The following WWOX variants were observed in gnomAD, a reference collection of about 807,000 sequenced individuals.
WWOX encodes WW domain-containing oxidoreductase.
In WWOX, 69 loss-of-function variants were observed where a neutral mutation model predicts 46.2. The ratio of observed to expected loss-of-function variants is 1.49; its 90% confidence interval spans 1.23 to 1.82. The LOEUF (loss-of-function observed/expected upper bound fraction) is 1.82. WWOX is among the 40% of genes most tolerant of loss of function. WWOX has a pLI of 0.00. For missense variants in WWOX, 919 were observed against 542.6 expected, an observed-to-expected ratio of 1.69 and a Z score of -6.89; for synonymous variants, 359 against 202.6, an observed-to-expected ratio of 1.77 and a Z score of -6.56.
intron 5 of WWOX, among the ~76,000 whole-genome samples, chr16:78,320,339 C>G (rs947682093): frequency 2.6e-5 from 4 of 152,156 alleles, no homozygotes; most frequent in African/African-American, 9.7e-5. Flanking sequence ...GGTTGTCATA[C>G]TAAATTGGTT....
intron 8 of WWOX, among the ~76,000 whole-genome samples, chr16:78,951,548 C>A (rs2046060221): frequency 6.6e-6 from 1 of 152,174 alleles, no homozygotes; most frequent in African/African-American, 2.4e-5. Context: ...GAAAAGGGGA[C>A]ATGGGTATTA....
chr16:78,629,887 A>C (rs1171768354), intron 8 of WWOX, among the ~76,000 whole-genome samples: 2 of 152,220 alleles, frequency 1.3e-5, no homozygotes, highest in African/African-American at 4.8e-5. Flanking sequence ...AAAATTATCT[A>C]AGAAGTAGAT....
chr16:78,375,958 C>A (rs1010150337), intron 5 of WWOX, among the ~76,000 whole-genome samples: 3 of 149,532 alleles, frequency 2.0e-5, no homozygotes, highest in African/African-American at 7.4e-5. Flanking sequence ...TCAAGTGGTT[C>A]TTCTGCCTCA....
chr16:79,203,266 T>A (rs190699525), intron 8 of WWOX: 4 of 152,346 alleles, frequency 2.6e-5, no homozygotes, highest in Non-Finnish European at 1.5e-5. Flanking sequence ...AAATGAAATA[T>A]TAACAAGGCC....
At chr16:78,698,087 C>T (rs2048138412) in intron 8 of WWOX, among the ~76,000 whole-genome samples, 1 of 152,150 alleles carries the variant, frequency 6.6e-6, no homozygotes, top group African/African-American at 2.4e-5. Flanking sequence ...TTATTGTTGT[C>T]ATCATGTATA....
chr16:78,536,327 A>G (rs1349710449), intron 8 of WWOX, among the ~76,000 whole-genome samples: 1 of 151,968 alleles, frequency 6.6e-6, no homozygotes, highest in Non-Finnish European at 1.5e-5. Context: ...TGAGGACTGT[A>G]TCCCTCCTGA....
chr16:79,050,971 T>C (rs66941781), intron 8 of WWOX, among the ~76,000 whole-genome samples: 9,961 of 152,316 alleles, frequency 0.065, 618 homozygotes, highest in East Asian at 0.31. Flanking sequence ...CCTTGAGTGC[T>C]CCTTGTGAAC....
chr16:79,140,600 CCT>C (rs2150714098), intron 8 of WWOX, among the ~76,000 whole-genome samples: 1 of 152,276 alleles, frequency 6.6e-6, no homozygotes, highest in Non-Finnish European at 1.5e-5. Context: ...GGGTGGGTGC[CCT>C]GAGGCAGGCA....
chr16:79,026,614 C>CTTTTTTTTTT (rs748965500), intron 8 of WWOX, among the ~76,000 whole-genome samples: 1 of 101,112 alleles, frequency 9.9e-6, no homozygotes, highest in Non-Finnish European at 1.9e-5. Context: ...GTGGTAGACT[C>CTTTTTTTTTT]TTTTTTTTTT....
chr16:78,705,275 G>C (rs1160174468), intron 8 of WWOX, among the ~76,000 whole-genome samples: 1 of 152,176 alleles, frequency 6.6e-6, no homozygotes, highest in African/African-American at 2.4e-5. Context: ...TTTATCAAAT[G>C]TTGTCCTGCC....
intron 5 of WWOX, among the ~76,000 whole-genome samples, chr16:78,225,034 A>G (rs539141919): frequency 6.6e-6 from 1 of 152,354 alleles, no homozygotes; most frequent in African/African-American, 2.4e-5. Context: ...TATCACAGGT[A>G]CAGTCACATC....
chr16:78,367,569 T>G (rs2081567572), intron 5 of WWOX, among the ~76,000 whole-genome samples: 1 of 152,182 alleles, frequency 6.6e-6, no homozygotes, highest in African/African-American at 2.4e-5. Context: ...TTCGAGTTCA[T>G]GGACAGAACA....
chr16:79,195,294 G>A (rs1399067072), intron 8 of WWOX, among the ~76,000 whole-genome samples: 5 of 152,042 alleles, frequency 3.3e-5, no homozygotes. Flanking sequence ...TGGGGTGGAG[G>A]GAGGATTGAG....
intron 8 of WWOX, among the ~76,000 whole-genome samples, chr16:79,151,007 A>G (rs1018899899): frequency 1.3e-5 from 2 of 152,206 alleles, no homozygotes; most frequent in Non-Finnish European, 2.9e-5. Flanking sequence ...GACGTTGCAC[A>G]GGAATTATTT....
intron 8 of WWOX, among the ~76,000 whole-genome samples, chr16:79,037,626 A>G (rs2047893470): frequency 6.6e-6 from 1 of 152,200 alleles, no homozygotes. Flanking sequence ...CAGGATGGGC[A>G]GGTTGCCACA....
intron 8 of WWOX, among the ~76,000 whole-genome samples, chr16:78,786,563 A>T (rs76497545): frequency 0.052 from 7,981 of 152,212 alleles, 288 homozygotes; most frequent in East Asian, 0.15. Flanking sequence ...GATGTATTTC[A>T]TACACTTTCC....
intron 8 of WWOX, among the ~76,000 whole-genome samples, chr16:79,157,000 T>G (rs1053400348): frequency 1.3e-5 from 2 of 152,234 alleles, no homozygotes; most frequent in African/African-American, 2.4e-5. Context: ...TGGCCCTTGT[T>G]GTAGAAGAAT....
At chr16:78,388,756 A>G (rs554604292) in intron 6 of WWOX, among the ~76,000 whole-genome samples, 61 of 151,628 alleles carry the variant, frequency 4.0e-4, no homozygotes, top group African/African-American at 1.4e-3. Flanking sequence ...GATCACCTGA[A>G]GTCAGGAGTT....
intron 8 of WWOX, among the ~76,000 whole-genome samples, chr16:79,201,742 T>A (rs1449640859): frequency 1.3e-5 from 2 of 151,848 alleles, no homozygotes; most frequent in African/African-American, 4.9e-5. Flanking sequence ...TTTTTTCACT[T>A]TTGTCTTCCT....
Sources: gnomAD v4.1 joint callset for allele counts (sites outside exome capture counted in the v4.1 genomes callset) on GRCh38, gnomAD v4.1.1 for gene constraint, MANE v1.5 for transcripts, NCBI Gene and HGNC (gene_info 2026-07-23, HGNC 2026-07-21) for gene names.